PEX1: variants seen among roughly 807,000 people sequenced by gnomAD.
PEX1 encodes the protein peroxisomal biogenesis factor 1, also known as peroxisomal ATPase PEX1.
A neutral mutation model predicts 152.5 loss-of-function variants in PEX1; 97 were observed. The ratio of observed to expected loss-of-function variants is 0.64; its 90% CI spans 0.54 to 0.75. The LOEUF (loss-of-function observed/expected upper bound fraction) is 0.75. Ranked by LOEUF, PEX1 falls within the 30% of genes least tolerant of loss-of-function variation. The pLI, the probability that PEX1 is intolerant of heterozygous loss-of-function variation, is 0.00. For missense variants in PEX1, 1,357 were observed against 1,516.3 expected (o/e 0.89, Z 1.74); for synonymous variants, 485 against 531.6 (o/e 0.91, Z 1.21).
chr7:92,501,751 T>G, intron 14 of PEX1, 78 bp from the exon 15 acceptor site: 3 of 1,396,662 alleles, frequency 2.1e-6, no homozygotes, highest in Non-Finnish European at 2.0e-6. Context: ...TCATCTTAGC[T>G]GGAAACACTA....
In PEX1 at chr7:92,492,978, C is replaced by T; in HGVS notation, c.3182G>A (p.Gly1061Glu). Residue 1061 changes from glycine (G) to glutamate (E), a missense_variant, in exon 20 of 24, where the codon GGA becomes GAA. Gly to Glu is a moderately conservative substitution (Grantham distance 98). Transcript: ENST00000248633. ...CTGGAGTCCACTCGAGAGCAGCATTCCATGTAAGGCCTCCAATTGGGCATT... is the reference window on the plus strand; with the variant it reads ...CTGGAGTCCACTCGAGAGCAGCATTTCATGTAAGGCCTCCAATTGGGCATT... ...LYNAQLEALH[G>E]MLLSSGLQDG... is the part of the protein sequence containing the mutation. 1 of 1,613,816 alleles carries T rather than the reference C, an allele frequency of 6.2e-7. No individual in the cohort carries two copies. The highest frequency in any genetic ancestry group is 8.5e-7 in the Non-Finnish European group (1 of 1,179,788).
intron 17 of PEX1, among the ~76,000 whole-genome samples, 196 bp downstream of exon 17, chr7:92,496,517 T>C (rs1169939614): frequency 1.3e-5 from 2 of 152,304 alleles, no homozygotes; most frequent in Non-Finnish European, 2.9e-5. Flanking sequence ...CAAAACCAAA[T>C]AATTTCCAAA....
chr7:92,506,896 C>A, intron 10 of PEX1, 98 bp downstream of exon 10: 2 of 1,269,072 alleles, frequency 1.6e-6, no homozygotes, highest in South Asian at 2.4e-5. Context: ...AATAGATGGT[C>A]AAAACCCACC....
At chr7:92,493,969 G>C (rs577659104) in intron 19 of PEX1, 1 of 282,832 alleles carries the variant, frequency 3.5e-6, no homozygotes, top group Non-Finnish European at 6.8e-6. Flanking sequence ...CTGTATCAGA[G>C]TTTTTTTTTT....
chr7:92,513,655 T>G (rs988821018), intron 6 of PEX1, among the ~76,000 whole-genome samples, 193 bp downstream of exon 6: 1 of 152,186 alleles, frequency 6.6e-6, no homozygotes, highest in Non-Finnish European at 1.5e-5. Context: ...ATATTATGAA[T>G]GTAATTAATG....
chr7:92,508,228 C>T (rs1044060007), intron 9 of PEX1, among the ~76,000 whole-genome samples: 2 of 152,198 alleles, frequency 1.3e-5, no homozygotes, highest in Non-Finnish European at 2.9e-5. Context: ...CTGCCTGCCA[C>T]TTTACATGAT....
chr7:92,498,705 G>A (rs1261234674), intron 16 of PEX1, among the ~76,000 whole-genome samples: 1 of 151,936 alleles, frequency 6.6e-6, no homozygotes, highest in Non-Finnish European at 1.5e-5. Context: ...TACCCAAAAT[G>A]ATCTGCTAGC....
chr7:92,495,017 G>A (rs528928237), intron 17 of PEX1, among the ~76,000 whole-genome samples: 19 of 151,906 alleles, frequency 1.3e-4, no homozygotes, highest in Admixed American at 5.2e-4. Context: ...CCTATTACAA[G>A]TAACCATTTT....
Position 92,504,909 on chromosome 7 carries a change from A to G in PEX1, c.1901-7T>C. On this transcript the variant is annotated splice_region_variant and splice_polypyrimidine_tract_variant and intron_variant, in intron 11 of 23. Transcript: ENST00000248633. ...ATGTTTTCAAGCCTTTTTCCTTAAT[A>G]CAGAAGATATGAAATGGTTTCAGTA... 6.2e-7 allele frequency: 1 copy of G among 1,607,610 alleles called. No individual in the cohort carries two copies. The highest frequency in any genetic ancestry group is 8.5e-7 in the Non-Finnish European group (1 of 1,174,054).
intron 7 of PEX1, 74 bp downstream of exon 7, chr7:92,511,506 A>T (rs1279316440): frequency 8.9e-7 from 1 of 1,129,036 alleles, no homozygotes; most frequent in Non-Finnish European, 1.3e-6. Context: ...CACAGGTATG[A>T]CAGGTTGCAA....
Position 92,522,239 on chromosome 7 carries a change from C to T in PEX1, c.136G>A (p.Ala46Thr). The T allele has an allele frequency of 6.2e-7, 1 of 1,613,912 alleles. No homozygotes were observed. Among genetic ancestry groups the T allele is most frequent in the Non-Finnish European group, 8.5e-7 (1 of 1,179,940 alleles). ...VAQLHLLQNQ[A>T]IEVVWSHQPA... ...TGGTGACTCCAGACCACTTCTATAGCTTGATTCTATTCATATAAGAAATGA... is the reference window on the plus strand; with the variant it reads ...TGGTGACTCCAGACCACTTCTATAGTTTGATTCTATTCATATAAGAAATGA... The change falls in exon 2 of 24, where the codon GCT becomes ACT. Residue 46 changes from alanine (A) to threonine (T), a missense_variant. Coordinates refer to ENST00000248633, the MANE Select transcript of PEX1 (RefSeq NM_000466.3).
At chr7:92,505,387 TG>T (rs1792140101) in intron 11 of PEX1, among the ~76,000 whole-genome samples, 1 of 139,460 alleles carries the variant, frequency 7.2e-6, no homozygotes, top group African/African-American at 2.7e-5. Flanking sequence ...CACTCCAGCC[TG>T]GGCTACAGAG....
At chr7:92,518,482 G>A (rs181340502) in intron 3 of PEX1, among the ~76,000 whole-genome samples, 1 of 152,260 alleles carries the variant, frequency 6.6e-6, no homozygotes, top group East Asian at 1.9e-4. Context: ...TTTGTGGTAA[G>A]AGTAGTTAAA....
chr7:92,495,639 A>C (rs1791617457), intron 17 of PEX1, among the ~76,000 whole-genome samples: 1 of 152,110 alleles, frequency 6.6e-6, no homozygotes, highest in Non-Finnish European at 1.5e-5. Context: ...TTTCTGGGAT[A>C]TCTTTAGCGA....
rs1562866985 is a variant in PEX1 at position 92,517,936 on chromosome 7, A to G, written c.579T>C (p.Asp193=). 2 of 1,593,876 alleles carry G rather than the reference A, an allele frequency of 1.3e-6. No homozygotes were observed. Among genetic ancestry groups the G allele is most frequent in the Non-Finnish European group, 1.7e-6 (2 of 1,172,492 alleles). The change falls in exon 5 of 24, where the codon GAT becomes GAC. Residue 193 remains aspartate, a synonymous_variant. Coordinates refer to ENST00000248633, the MANE Select transcript of PEX1 (RefSeq NM_000466.3). ...RAKENTFSKA[D]AEYKKLHSYG... is the part of the protein sequence containing the mutation. ...AACTATGAAGTTTTTTATATTCAGC[A>G]TCAGCTTTTGAAAATGTATTCTCTT...
intron 16 of PEX1, among the ~76,000 whole-genome samples, chr7:92,498,169 G>A (rs1195009325): frequency 2.0e-5 from 3 of 150,516 alleles, no homozygotes; most frequent in African/African-American, 4.9e-5. Context: ...AAAAAAACAC[G>A]ACAAAAGAGT....
Position 92,516,045 on chromosome 7 carries a change from AGAG to A in PEX1, c.1239+1228_1239+1230del, listed in dbSNP as rs1223149879. Among the ~76,000 whole-genome samples, 820 of 99,010 alleles carry A rather than the reference AGAG, an allele frequency of 8.3e-3. 7 individuals carry two copies. Among genetic ancestry groups the A allele is most frequent in the Middle Eastern group, 0.027 (5 of 182 alleles). The allele number at this position is 99,010 out of a possible 152,430, so 65.0% of individuals were successfully genotyped here. On this transcript the variant is annotated intron_variant, in intron 5 of 23. Transcript: ENST00000248633. ...AGAGAAGAGAAGAGAAGAGAAGAGA[AGAG>A]AAGAGAAAAAAGAAAAGAAAAGAAA...
rs145609203 is a variant in PEX1 at position 92,517,849 on chromosome 7, A to G, written c.666T>C (p.Thr222=). Residue 222 remains threonine (T), a synonymous_variant, in exon 5 of 24, where the codon ACT becomes ACC. Coordinates refer to ENST00000248633, the MANE Select transcript of PEX1 (RefSeq NM_000466.3). ...TTTCATTAGATTCAGTGATTCCCAC[A>G]GTATTTGACTGAAGTTGCTTGGTTT... ...ELQTKQLQSN[T]VGITESNENE... The G allele has an allele frequency of 1.6e-4, 252 of 1,542,012 alleles. No homozygotes were observed. Among genetic ancestry groups the G allele is most frequent in the Non-Finnish European group, 2.1e-4 (239 of 1,150,778 alleles).
intron 5 of PEX1, among the ~76,000 whole-genome samples, chr7:92,514,421 T>C (rs1458880721): frequency 6.6e-6 from 1 of 152,242 alleles, no homozygotes; most frequent in Admixed American, 6.5e-5. Context: ...TACATAATCT[T>C]CAGAATTAGA....
Sources: gnomAD v4.1 joint callset for allele counts (sites outside exome capture counted in the v4.1 genomes callset) on GRCh38, gnomAD v4.1.1 for gene constraint, MANE v1.5 for transcripts, NCBI Gene and HGNC (gene_info 2026-07-23, HGNC 2026-07-21) for gene names.